MMP20: variants seen among roughly 807,000 people sequenced by gnomAD.
MMP20 encodes matrix metallopeptidase 20, also known as matrix metalloproteinase-20.
MMP20 carries 50 observed loss-of-function variants against 51.8 expected under a neutral mutation model. The ratio of observed to expected loss-of-function variants is 0.97; its 90% CI spans 0.77 to 1.22. The LOEUF (loss-of-function observed/expected upper bound fraction) is 1.22, where lower values mean the gene tolerates loss of function less well. Ranked by LOEUF, MMP20 falls within the 50% of genes most tolerant of loss-of-function variation. The pLI is 0.00. For synonymous variants in MMP20, 244 were observed against 216.2 expected (o/e 1.13, Z -1.13); for missense variants, 663 against 601.4 (o/e 1.10, Z -1.07).
intron 4 of MMP20, among the ~76,000 whole-genome samples, chr11:102,609,473 T>C (rs1859565423): frequency 6.6e-6 from 1 of 151,992 alleles, no homozygotes; most frequent in South Asian, 2.1e-4. Context: ...CTACACCTTT[T>C]GATCCACACG....
In MMP20 at chr11:102,617,152, A is replaced by G. The variant is rs546607391; in HGVS notation, c.127-93T>C. ...AGGGGACAGCATTCCTGATGTATTA[A>G]AAGCAGTGTGTAGAGTATTTTCCCA... On this transcript the variant is annotated intron_variant, in intron 1 of 9. Transcript: ENST00000260228. 341 of 1,455,892 alleles carry G rather than the reference A, an allele frequency of 2.3e-4. 3 individuals carry two copies. In the South Asian group the frequency reaches 3.8e-3, roughly 16 times the overall value. The allele number at this position is 1,455,892 out of a possible 1,614,324, so 90.2% of individuals were successfully genotyped here. A position where few individuals can be genotyped will look rare whatever the true frequency, so the allele number is the denominator to read the frequency against.
chr11:102,595,087 A>T (rs991747371), intron 6 of MMP20, among the ~76,000 whole-genome samples: 1 of 151,782 alleles, frequency 6.6e-6, no homozygotes, highest in African/African-American at 2.4e-5. Context: ...ATGCCTCACT[A>T]ATTTTTGTAC....
At chr11:102,618,921 C>T (rs943355375) in intron 1 of MMP20, among the ~76,000 whole-genome samples, 4 of 152,104 alleles carry the variant, frequency 2.6e-5, no homozygotes, top group African/African-American at 9.7e-5. Context: ...ATCCTTTACT[C>T]CCTGCCCTTC....
intron 8 of MMP20, among the ~76,000 whole-genome samples, chr11:102,591,787 T>C (rs1182228457): frequency 6.6e-6 from 1 of 152,184 alleles, no homozygotes; most frequent in Admixed American, 6.5e-5. Context: ...TCAGAGAGCC[T>C]TGACCTCCCC....
At chr11:102,585,652 T>C (rs774476090) in intron 8 of MMP20, among the ~76,000 whole-genome samples, 10 of 152,190 alleles carry the variant, frequency 6.6e-5, no homozygotes, top group Non-Finnish European at 1.5e-4. Flanking sequence ...AATGGAGAGA[T>C]GAGAGCAGAA....
intron 1 of MMP20, among the ~76,000 whole-genome samples, chr11:102,619,567 A>T (rs1008769500): frequency 1.2e-4 from 15 of 124,046 alleles, no homozygotes; most frequent in East Asian, 2.5e-4. Context: ...ATGCAGAATT[A>T]AAAAAAACAA....
At chr11:102,579,264 TCACATA>T (rs1859165585) in intron 8 of MMP20, 122 bp from the exon 9 acceptor site, 1 of 691,480 alleles carries the variant, frequency 1.4e-6, no homozygotes, top group African/African-American at 1.8e-5. Context: ...TCTCTCTGTT[TCACATA>T]CACATACACA....
chr11:102,600,852 C>G (rs914223399), intron 6 of MMP20, among the ~76,000 whole-genome samples: 17 of 152,092 alleles, frequency 1.1e-4, no homozygotes, highest in African/African-American at 3.6e-4. Context: ...TGACTATATT[C>G]CAAACTATCC....
chr11:102,614,423 A>T lies in MMP20; in HGVS notation c.374+2389T>A, dbSNP rs111612878. The stretch of plus-strand genomic sequence containing the variant: ...AGGGGTTTTTAAGACTGCCCAGCTT[A>T]TCACAAGAATATTATACTTCCCTAA... On this transcript the variant is annotated intron_variant, in intron 2 of 9. Coordinates refer to ENST00000260228, the MANE Select transcript of MMP20 (RefSeq NM_004771.4). Among the ~76,000 whole-genome samples, 24 of 152,314 alleles carry T rather than the reference A, an allele frequency of 1.6e-4. 1 individual carries two copies. Among genetic ancestry groups the T allele is most frequent in the African/African-American group, 5.8e-4 (24 of 41,566 alleles).
At chr11:102,593,665 C>A in intron 7 of MMP20, 70 bp from the exon 8 acceptor site, 1 of 1,538,762 alleles carries the variant, frequency 6.5e-7, no homozygotes, top group South Asian at 1.1e-5. Flanking sequence ...ATAAAGATTT[C>A]TATGAAGGCT....
At chr11:102,609,510 C>T (rs1859566020) in intron 4 of MMP20, among the ~76,000 whole-genome samples, 1 of 152,214 alleles carries the variant, frequency 6.6e-6, no homozygotes, top group Admixed American at 6.5e-5. Context: ...TCCAGATGAC[C>T]TGTATGATAT....
rs1380859811 is a variant in MMP20, at chr11:102,610,040, T to C, written c.524-10A>G. On this transcript the variant is annotated splice_polypyrimidine_tract_variant and intron_variant, in intron 3 of 9. Transcript: ENST00000260228. Reference sequence around the variant, plus strand: ...TAGGAATCCCCGTGATCTAAACAAGTGGGGAGAAAGGCCAACAAGATTGAG... The same window carrying C: ...TAGGAATCCCCGTGATCTAAACAAGCGGGGAGAAAGGCCAACAAGATTGAG... 6.2e-7 allele frequency: 1 copy of C among 1,613,542 alleles called. No homozygotes were observed. The highest frequency in any genetic ancestry group is 8.5e-7 in the Non-Finnish European group (1 of 1,179,896).
At chr11:102,581,807 A>AT (rs1859199082) in intron 8 of MMP20, among the ~76,000 whole-genome samples, 1 of 152,228 alleles carries the variant, frequency 6.6e-6, no homozygotes, top group South Asian at 2.1e-4. Context: ...AACGCTCAGC[A>AT]TGATTCCTGG....
At chr11:102,616,723 C>A in intron 2 of MMP20, 89 bp downstream of exon 2, 5 of 1,538,240 alleles carry the variant, frequency 3.3e-6, no homozygotes, top group Non-Finnish European at 4.5e-6. Flanking sequence ...GATTTTTATA[C>A]GGATGAGAAG....
chr11:102,580,587 G>A (rs1355670068), intron 8 of MMP20, among the ~76,000 whole-genome samples: 2 of 152,220 alleles, frequency 1.3e-5, no homozygotes, highest in Non-Finnish European at 2.9e-5. Flanking sequence ...TGGAGCTAGG[G>A]GTGGAAGCTA....
chr11:102,584,253 A>G (rs1202084229), intron 8 of MMP20, among the ~76,000 whole-genome samples: 1 of 152,198 alleles, frequency 6.6e-6, no homozygotes, highest in Non-Finnish European at 1.5e-5. Flanking sequence ...CTACCAATGT[A>G]TGAGGGTTCT....
intron 8 of MMP20, among the ~76,000 whole-genome samples, chr11:102,583,298 TTC>T (rs751480186): frequency 6.6e-6 from 1 of 152,184 alleles, no homozygotes; most frequent in Non-Finnish European, 1.5e-5. Context: ...CTTGCAATAG[TTC>T]TCTCTCTTAT....
chr11:102,598,682 G>T (rs1194720691), intron 6 of MMP20, among the ~76,000 whole-genome samples: 1 of 152,170 alleles, frequency 6.6e-6, no homozygotes. Context: ...CTAGTTCCTT[G>T]AATTCCTCCT....
intron 6 of MMP20, among the ~76,000 whole-genome samples, chr11:102,604,189 G>A (rs887194964): frequency 2.6e-5 from 4 of 152,118 alleles, no homozygotes; most frequent in African/African-American, 9.7e-5. Flanking sequence ...CACTGAATGA[G>A]TGCTACATGC....
Sources: allele counts gnomAD v4.1 joint callset (sites outside exome capture counted in the v4.1 genomes callset), GRCh38; gene constraint gnomAD v4.1.1; transcripts MANE v1.5; gene names NCBI Gene and HGNC (gene_info 2026-07-23, HGNC 2026-07-21).